The following TBC1D13 variants were observed in gnomAD, a reference collection of about 807,000 sequenced individuals.
TBC1D13 encodes the protein TBC1 domain family member 13, also known as epididymis secretory sperm binding protein.
In TBC1D13, 40 loss-of-function variants were observed where a neutral mutation model predicts 53.6. That is an observed-to-expected ratio of 0.75 (90% CI 0.58 to 0.97). The LOEUF is 0.97. Ranked by LOEUF, TBC1D13 falls within the 50% of genes least tolerant of loss-of-function variation. The probability of loss-of-function intolerance (pLI) is 0.00; values close to 1 mark genes in which losing one functional copy is unlikely to be tolerated. For missense variants in TBC1D13, 377 were observed against 499.4 expected (o/e 0.75, Z 2.34); for synonymous variants, 182 against 197.7 (o/e 0.92, Z 0.67).
intron 3 of TBC1D13, 81 bp downstream of exon 3, chr9:128,790,856 C>A (rs574404413): frequency 1.4e-6 from 2 of 1,421,916 alleles, no homozygotes. Flanking sequence ...CCCCTGGCTT[C>A]TTCCTCCTGT....
At chr9:128,805,047 C>A (rs1829807982) in intron 9 of TBC1D13, among the ~76,000 whole-genome samples, 1 of 152,058 alleles carries the variant, frequency 6.6e-6, no homozygotes. Flanking sequence ...ATAATGATAT[C>A]TTTTTAAACA....
chr9:128,796,591 G>T (rs912033744), intron 6 of TBC1D13, among the ~76,000 whole-genome samples: 3 of 151,928 alleles, frequency 2.0e-5, no homozygotes, highest in Non-Finnish European at 4.4e-5. Flanking sequence ...TACCATGTTG[G>T]CCGGGCTGGT....
At chr9:128,798,259 AAAG>A (rs1829670948) in intron 7 of TBC1D13, among the ~76,000 whole-genome samples, 1 of 152,130 alleles carries the variant, frequency 6.6e-6, no homozygotes, top group South Asian at 2.1e-4. Flanking sequence ...TCAAAAAAAA[AAAG>A]AAAAGAAGAG....
chr9:128,788,434 G>A (rs756199370), intron 2 of TBC1D13, 27 bp downstream of exon 2: 1 of 1,609,538 alleles, frequency 6.2e-7, no homozygotes, highest in Non-Finnish European at 8.5e-7. Context: ...TATTTTCACG[G>A]TTTCCCTACA....
rs192429547 is a variant in TBC1D13, at chr9:128,804,972, G to A, written c.918+853G>A. ...TCGAACTCCTGACCTCAAGTGATCC[G>A]CCTACCTCCCTCTCCCAAAGTGCTG... On this transcript the variant is annotated intron_variant, in intron 9 of 11. Transcript: ENST00000372648. 2.2e-3 allele frequency among the ~76,000 whole-genome samples: 328 copies of A among 149,018 alleles called. 2 individuals are homozygous for A. The highest frequency in any genetic ancestry group is 3.6e-3 in the Non-Finnish European group (243 of 67,228).
Position 128,803,968 on chromosome 9 carries a change from C to T in TBC1D13, c.767C>T (p.Ala256Val), listed in dbSNP as rs760766955. ...PNSEWKEHAE[A>V]DTFFCFTNLM... ...TGCTCTCTCCCAGAGCACGCCGAGG[C>T]AGACACCTTTTTCTGCTTCACCAAC... The change falls in exon 9 of 12, where the codon GCA becomes GTA. Residue 256 changes from alanine to valine, a missense_variant. Ala to Val is a moderately conservative substitution (Grantham distance 64, BLOSUM62 0). Coordinates refer to ENST00000372648, the MANE Select transcript of TBC1D13 (RefSeq NM_018201.5). 2 of 1,613,152 alleles carry T rather than the reference C, an allele frequency of 1.2e-6. No individual in the cohort carries two copies. Among genetic ancestry groups the T allele is most frequent in the Admixed American group, 3.3e-5 (2 of 60,004 alleles).
At chr9:128,807,777 G>C in intron 11 of TBC1D13, 37 bp from the exon 12 acceptor site, 1 of 1,610,064 alleles carries the variant, frequency 6.2e-7, no homozygotes, top group Non-Finnish European at 8.5e-7. Context: ...GGGTGAAGTG[G>C]CTTCAGAGGC....
rs183803467 is a variant in TBC1D13 at position 128,792,545 on chromosome 9, G to T, written c.354G>T (p.Glu118Asp). 2 of 1,614,118 alleles carry T rather than the reference G, an allele frequency of 1.2e-6. No homozygotes were observed. Among genetic ancestry groups the T allele is most frequent in the East Asian group, 4.5e-5 (2 of 44,876 alleles). ...SRWNTYFKDN[E>D]VLLQIDKDVR... ...GGAACACGTACTTCAAGGACAACGA[G>T]GTGCTGCTGCAGATCGACAAAGATG... The change falls in exon 6 of 12, where the codon GAG becomes GAT. Residue 118 changes from glutamate (E) to aspartate (D), a missense_variant. By Grantham distance (45) the Glu-to-Asp change is conservative. Transcript: ENST00000372648.
In TBC1D13 at chr9:128,787,295, A is replaced by G. The variant is rs963857251; in HGVS notation, c.-59A>G. 7 of 1,250,948 alleles carry G rather than the reference A, an allele frequency of 5.6e-6. No individual in the cohort carries two copies. Among genetic ancestry groups the G allele is most frequent in the African/African-American group, 4.7e-5 (3 of 64,440 alleles). The allele number at this position is 1,250,948 out of a possible 1,614,324, so 77.5% of individuals were successfully genotyped here. On this transcript the variant is annotated 5_prime_UTR_variant, in exon 1 of 12. Coordinates refer to ENST00000372648, the MANE Select transcript of TBC1D13 (RefSeq NM_018201.5). The stretch of plus-strand genomic sequence containing the variant: ...CCTGGGGGGCGGCGGCGGCGGCGGC[A>G]GCGCAGGCGGCAGAGGCGCAGGCGG...
intron 2 of TBC1D13, among the ~76,000 whole-genome samples, chr9:128,789,564 A>G (rs1359302187): frequency 6.6e-6 from 1 of 151,930 alleles, no homozygotes; most frequent in African/African-American, 2.4e-5. Context: ...TCTTACGACA[A>G]TTACGTTAAT....
intron 9 of TBC1D13, among the ~76,000 whole-genome samples, chr9:128,804,637 C>T (rs1255545597): frequency 1.3e-5 from 2 of 151,462 alleles, no homozygotes; most frequent in African/African-American, 4.8e-5. Flanking sequence ...TGATGATCTC[C>T]TGACCTCGTA....
At chr9:128,791,477 C>T (rs1589566161) in intron 4 of TBC1D13, 36 bp downstream of exon 4, 1 of 1,612,920 alleles carries the variant, frequency 6.2e-7, no homozygotes, top group East Asian at 2.2e-5. Context: ...CAGGAGGGCC[C>T]TTGCATGTGA....
At position 128,806,275 on chromosome 9, in the gene TBC1D13, G is replaced by T; in HGVS notation, c.1101G>T (p.Leu367=). The T allele has an allele frequency of 6.2e-7, 1 of 1,614,180 alleles. No individual in the cohort carries two copies. Among genetic ancestry groups the T allele is most frequent in the South Asian group, 1.1e-5 (1 of 91,080 alleles). Residue 367 remains leucine, a synonymous_variant, in exon 11 of 12, where the codon CTG becomes CTT. Coordinates refer to ENST00000372648, the MANE Select transcript of TBC1D13 (RefSeq NM_018201.5). ...ATAGGCTGATCCGGGAGCAGTTGCT[G>T]GAAGGGGACTTCACTGTGAATATGC... ...AMLMLIREQL[L]EGDFTVNMRL...
chr9:128,797,826 G>A (rs1218910696), intron 7 of TBC1D13, among the ~76,000 whole-genome samples: 3 of 152,086 alleles, frequency 2.0e-5, no homozygotes, highest in African/African-American at 4.8e-5. Context: ...TTAAGAAAAC[G>A]GCCAGGCACA....
In TBC1D13 at chr9:128,805,843, C is replaced by T. The variant is rs201755030; in HGVS notation, c.919-16C>T. On this transcript the variant is annotated splice_polypyrimidine_tract_variant and intron_variant, in intron 9 of 11. Transcript: ENST00000372648. ...ACACAGAGTCATGCCCCCCACCCCC[C>T]ACGCTGTCTCCCCAGCAAGAGCAGA... The T allele has an allele frequency of 1.3e-5, 21 of 1,611,206 alleles. No homozygotes were observed. The East Asian group carries it at 4.0e-4, about 31-fold the overall frequency.
chr9:128,806,677 T>C (rs1829840363), intron 11 of TBC1D13, among the ~76,000 whole-genome samples: 1 of 152,074 alleles, frequency 6.6e-6, no homozygotes. Flanking sequence ...GCGCGGTGGC[T>C]CATGCCTATA....
chr9:128,804,156 G>C, intron 9 of TBC1D13, 37 bp downstream of exon 9: 1 of 1,606,320 alleles, frequency 6.2e-7, no homozygotes, highest in East Asian at 2.2e-5. Flanking sequence ...GAAAGGGACA[G>C]GAGGCAGAGA....
intron 9 of TBC1D13, among the ~76,000 whole-genome samples, chr9:128,804,764 C>T (rs867225442): frequency 1.8e-5 from 2 of 108,526 alleles, no homozygotes; most frequent in Non-Finnish European, 3.5e-5. Flanking sequence ...CTCTCTCTCT[C>T]AGAGGCCAGG....
chr9:128,807,393 T>C (rs921514398), intron 11 of TBC1D13, among the ~76,000 whole-genome samples: 3 of 152,134 alleles, frequency 2.0e-5, no homozygotes, highest in African/African-American at 7.2e-5. Context: ...AGCCTAGAGT[T>C]GCTTTTCCCT....
Sources: allele counts gnomAD v4.1 joint callset (sites outside exome capture counted in the v4.1 genomes callset), GRCh38; gene constraint gnomAD v4.1.1; transcripts MANE v1.5; gene names NCBI Gene and HGNC (gene_info 2026-07-23, HGNC 2026-07-21).